NOTCH4: variants seen among roughly 807,000 people sequenced by gnomAD.
NOTCH4 encodes notch receptor 4.
NOTCH4 carries 138 observed loss-of-function variants against 189.0 expected under a neutral mutation model. The observed-to-expected ratio is 0.73, with a 90% CI of 0.64 to 0.84. NOTCH4 has a LOEUF of 0.84. NOTCH4 is among the 40% of genes least tolerant of loss of function. NOTCH4 has a pLI of 0.00. For missense variants in NOTCH4, 2,286 were observed against 2,605.4 expected, an observed-to-expected ratio of 0.88 and a Z score of 2.67; for synonymous variants, 942 against 1,032.8, an observed-to-expected ratio of 0.91 and a Z score of 1.69.
In NOTCH4 at chr6:32,196,318, T is replaced by C; in HGVS notation, c.5298+6A>G. Reference sequence around the variant, plus strand: ...GTTTTGTGGGAAGCCCTCTGTCCCATCTAACCCTGTTGTCCTGGGCATCTT... The same window carrying C: ...GTTTTGTGGGAAGCCCTCTGTCCCACCTAACCCTGTTGTCCTGGGCATCTT... On this transcript the variant is annotated splice_donor_region_variant and intron_variant, in intron 29 of 29. Coordinates refer to ENST00000375023, the MANE Select transcript of NOTCH4 (RefSeq NM_004557.4). 2 of 1,613,140 alleles carry C rather than the reference T, an allele frequency of 1.2e-6. No individual in the cohort carries two copies. Among genetic ancestry groups the C allele is most frequent in the Non-Finnish European group, 1.7e-6 (2 of 1,180,044 alleles).
chr6:32,213,907 C>T (rs1789200350), intron 13 of NOTCH4, 67 bp from the exon 14 acceptor site: 2 of 1,565,194 alleles, frequency 1.3e-6, no homozygotes, highest in East Asian at 2.3e-5. Context: ...CCTTCTCTTT[C>T]CTCTTCCTTC....
Position 32,214,209 on chromosome 6 carries a change from C to T in NOTCH4, c.2068G>A (p.Ala690Thr). 1 of 1,613,606 alleles carries T rather than the reference C, an allele frequency of 6.2e-7. No homozygotes were observed. Among genetic ancestry groups the T allele is most frequent in the Non-Finnish European group, 8.5e-7 (1 of 1,179,816 alleles). Residue 690 changes from alanine to threonine, a missense_variant, in exon 13 of 30, where the codon GCA becomes ACA. Around this residue, in one of 2 missense-constraint regions of NOTCH4, gnomAD observed 1,903 missense variants for 2,261.9 expected, o/e 0.84. Coordinates refer to ENST00000375023, the MANE Select transcript of NOTCH4 (RefSeq NM_004557.4). ...DVGWTGPECEAELGGCISAPC... is the reference protein window; with the variant it reads ...DVGWTGPECETELGGCISAPC... ...GCAGAGATGCAGCCCCCTAGCTCTG[C>T]CTCACACTCTGGCCCCGTCCAACCC...
rs562471310 is a variant in NOTCH4, at chr6:32,215,380, G to C, written c.1867C>G (p.Leu623Val). The stretch of plus-strand genomic sequence containing the variant: ...GGAGCACACAGGGGAACCTCACAGA[G>C]CTGGCCTGGGGTGGGAAGATGGGTC... ...CLCPSGFTGQ[L>V]CEVPLCAPNL... Residue 623 changes from leucine to valine, a missense_variant, in exon 12 of 30, where the codon CTC becomes GTC. Coordinates refer to ENST00000375023, the MANE Select transcript of NOTCH4 (RefSeq NM_004557.4). The C allele has an allele frequency of 3.6e-5, 58 of 1,608,630 alleles. No individual in the cohort carries two copies. In the Admixed American group the frequency reaches 6.1e-4, roughly 17 times the overall value.
In NOTCH4 at chr6:32,202,533, C is replaced by T; in HGVS notation, c.3298G>A (p.Gly1100Ser). The change falls in exon 21 of 30, where the codon GGC becomes AGC. Residue 1100 changes from glycine to serine, a missense_variant. Gly to Ser is a moderately conservative substitution (Grantham distance 56). This residue lies in a region of NOTCH4 where 1,903 missense variants were observed against 2,261.9 expected (regional missense o/e 0.84). Coordinates refer to ENST00000375023, the MANE Select transcript of NOTCH4 (RefSeq NM_004557.4). The surrounding 1 kb of genome is among the most constrained non-coding windows in gnomAD (Gnocchi z 5.7). Reference sequence around the variant, plus strand: ...GGCTTAGGGGAGGGCAGACACAGGCCTCCGTGGTGGCAGTGATGGAAGCCG... The same window carrying T: ...GGCTTAGGGGAGGGCAGACACAGGCTTCCGTGGTGGCAGTGATGGAAGCCG... ...SCGFHHCHHG[G>S]LCLPSPKPGF... is the part of the protein sequence containing the mutation. 6.2e-7 allele frequency: 1 copy of T among 1,609,418 alleles called. No individual in the cohort carries two copies.
rs1788424243 is a variant in NOTCH4 at position 32,202,592 on chromosome 6, T to G, written c.3239A>C (p.Glu1080Ala). ...GGCCCTGTGGCTGCAGGTGGGGCCT[T>G]CAAAACCCTGTGGAGGGGAGGGGAG... ...GFICHCPKGF[E>A]GPTCSHRAPS... Residue 1080 changes from glutamate (E) to alanine (A), a missense_variant, in exon 21 of 30, where the codon GAA becomes GCA. Coordinates refer to ENST00000375023, the MANE Select transcript of NOTCH4 (RefSeq NM_004557.4). This position sits in a 1 kb window ranked among gnomAD's most constrained non-coding sequence, Gnocchi z 5.7. 6.3e-7 allele frequency: 1 copy of G among 1,586,428 alleles called. No homozygotes were observed. The highest frequency in any genetic ancestry group is 8.6e-7 in the Non-Finnish European group (1 of 1,162,216).
At chr6:32,219,428 G>T (rs1039035479) in intron 8 of NOTCH4, among the ~76,000 whole-genome samples, 164 bp downstream of exon 8, 1 of 152,166 alleles carries the variant, frequency 6.6e-6, no homozygotes, top group Non-Finnish European at 1.5e-5. Flanking sequence ...CCTCTCCTAG[G>T]GGTCTTGGGT....
intron 12 of NOTCH4, among the ~76,000 whole-genome samples, chr6:32,215,019 T>C (rs1789311044): frequency 6.6e-6 from 1 of 152,206 alleles, no homozygotes; most frequent in African/African-American, 2.4e-5. Flanking sequence ...GGTCCTCTGT[T>C]TCCACCAGTT....
At chr6:32,218,140 T>C in intron 8 of NOTCH4, 32 bp from the exon 9 acceptor site, 1 of 1,401,536 alleles carries the variant, frequency 7.1e-7, no homozygotes, top group Non-Finnish European at 9.9e-7. Context: ...GGGCTGTGGC[T>C]CAGCCAGGTC....
In NOTCH4 at chr6:32,212,836, TC is replaced by T; in HGVS notation, c.2513del (p.Gly838GlufsTer7). On this transcript the variant is annotated frameshift_variant, in exon 16 of 30. Transcript: ENST00000375023. LOFTEE classifies it high-confidence loss of function. The surrounding 1 kb of genome is among the most constrained non-coding windows in gnomAD (Gnocchi z 4.4). ...PRCLCPTGYT[G>X]GSCQTLMDLC... ...CAATGGCCCTCACCTGGCAGCTGCC[TC>T]CGGTGTAGCCAGTGGGGCAGAGGCA... The T allele has an allele frequency of 6.5e-7, 1 of 1,541,224 alleles. No homozygotes were observed. The highest frequency in any genetic ancestry group is 8.8e-7 in the Non-Finnish European group (1 of 1,142,502).
intron 20 of NOTCH4, 192 bp downstream of exon 20, chr6:32,203,578 T>C (rs1039527339): frequency 9.2e-6 from 5 of 545,430 alleles, no homozygotes; most frequent in African/African-American, 7.7e-5. Context: ...AAAATTCCAT[T>C]CATGCTATCA....
chr6:32,220,169 C>T lies in NOTCH4; in HGVS notation c.1275G>A (p.Ser425=), dbSNP rs754335039. ...CCAGGTCCTGGTGGCAGGTGGGCCC[C>T]GAATAGCCAGGCTGACACAGGCAGA... The part of the protein sequence containing the change: ...STLCLCQPGY[S]GPTCHQDLDE... Residue 425 remains serine (S), a synonymous_variant, in exon 7 of 30, where the codon TCG becomes TCA. Transcript: ENST00000375023. 20 of 1,613,748 alleles carry T rather than the reference C, an allele frequency of 1.2e-5. No individual in the cohort carries two copies. The highest frequency in any genetic ancestry group is 1.7e-4 in the Middle Eastern group (1 of 5,960).
rs1485964670 is a variant in NOTCH4, at chr6:32,212,467, T to C, written c.2680+7A>G. The C allele has an allele frequency of 6.2e-7, 1 of 1,600,736 alleles. No individual in the cohort carries two copies. The highest frequency in any genetic ancestry group is 8.5e-7 in the Non-Finnish European group (1 of 1,173,772). On this transcript the variant is annotated splice_region_variant and intron_variant, in intron 17 of 29. Coordinates refer to ENST00000375023, the MANE Select transcript of NOTCH4 (RefSeq NM_004557.4). This position sits in a 1 kb window ranked among gnomAD's most constrained non-coding sequence, Gnocchi z 4.4. The stretch of plus-strand genomic sequence containing the variant: ...TTTGCTCTCCAGTCAGTGCCGGCGT[T>C]GGTTACCTTGGCTCAGTGCAGCCTT...
At position 32,220,870 on chromosome 6, in the gene NOTCH4, C is replaced by T. The variant is rs370466410; in HGVS notation, c.808G>A (p.Gly270Ser). The change falls in exon 5 of 30, where the codon GGC (glycine) becomes AGC (serine). Residue 270 changes from glycine (G) to serine (S), a missense_variant. Physicochemically the swap from Gly to Ser is moderately conservative, Grantham distance 56. This residue lies in a region of NOTCH4 where 1,903 missense variants were observed against 2,261.9 expected (regional missense o/e 0.84). Coordinates refer to ENST00000375023, the MANE Select transcript of NOTCH4 (RefSeq NM_004557.4). ...HLCLCPPGFI[G>S]PDCEVNPDNC... is the part of the protein sequence containing the mutation. The stretch of plus-strand genomic sequence containing the variant: ...TCTGGATTCACCTCACAGTCTGGGC[C>T]TATGAAACCTGACAGGGTCATGGAT... The T allele has an allele frequency of 5.6e-6, 9 of 1,613,392 alleles. No homozygotes were observed. In the African/African-American group the frequency reaches 1.2e-4, roughly 22 times the overall value.
chr6:32,217,636 G>A lies in NOTCH4; in HGVS notation c.1624+359C>T, dbSNP rs762584804. ...TAAGTGTAGTTATTATAATAGCAGG[G>A]GACAGAGGAGTGTCCGGTGAGGCTG... On this transcript the variant is annotated intron_variant, in intron 9 of 29. Transcript: ENST00000375023. This position sits in a 1 kb window ranked among gnomAD's most constrained non-coding sequence, Gnocchi z 4.2. 6.6e-6 allele frequency among the ~76,000 whole-genome samples: 1 copy of A among 152,192 alleles called. No individual in the cohort carries two copies. The highest frequency in any genetic ancestry group is 1.5e-5 in the Non-Finnish European group (1 of 68,038).
At position 32,210,788 on chromosome 6, in the gene NOTCH4, G is replaced by A. The variant is rs1264758853; in HGVS notation, c.2829C>T (p.Ala943=). 14 of 1,612,828 alleles carry A rather than the reference G, an allele frequency of 8.7e-6. No individual in the cohort carries two copies. Among genetic ancestry groups the A allele is most frequent in the Admixed American group, 1.7e-5 (1 of 60,010 alleles). ...ACCCACTGGGCTGGGCCATGCAGGT[G>A]GCCCCGTTCTGGCAAGGCCTGGACT... ...PCESRPCQNG[A]TCMAQPSGYL... Residue 943 remains alanine (A), a synonymous_variant, in exon 18 of 30, where the codon GCC becomes GCT. Transcript: ENST00000375023. The surrounding 1 kb of genome is among the most constrained non-coding windows in gnomAD (Gnocchi z 4.8).
At chr6:32,218,991 C>CAG (rs1341320086) in intron 8 of NOTCH4, among the ~76,000 whole-genome samples, 1 of 152,158 alleles carries the variant, frequency 6.6e-6, no homozygotes, top group African/African-American at 2.4e-5. Context: ...GTAAGATGCT[C>CAG]AGACAGTACC....
At position 32,219,718 on chromosome 6, in the gene NOTCH4, G is replaced by A. The variant is rs2127485884; in HGVS notation, c.1384C>T (p.Leu462Phe). The A allele has an allele frequency of 6.2e-7, 1 of 1,613,156 alleles. No homozygotes were observed. Among genetic ancestry groups the A allele is most frequent in the Non-Finnish European group, 8.5e-7 (1 of 1,179,986 alleles). Residue 462 changes from leucine to phenylalanine, a missense_variant, in exon 8 of 30, where the codon CTC becomes TTC. By Grantham distance (22) the Leu-to-Phe change is conservative (BLOSUM62 0). Coordinates refer to ENST00000375023, the MANE Select transcript of NOTCH4 (RefSeq NM_004557.4). ...GAGCCTGTGTAGCCAGGTGGACAGA[G>A]GCAGTTGAAGGAGCCAGGAGTGTTG... ...CLNTPGSFNC[L>F]CPPGYTGSRC...
chr6:32,223,702 C>T (rs1489109443), intron 1 of NOTCH4, among the ~76,000 whole-genome samples, 154 bp downstream of exon 1: 4 of 152,058 alleles, frequency 2.6e-5, no homozygotes, highest in South Asian at 2.1e-4. Context: ...TGGGCAGAGC[C>T]GTCTTTCCCT....
intron 28 of NOTCH4, among the ~76,000 whole-genome samples, 167 bp downstream of exon 28, chr6:32,196,758 T>TG (rs1021093938): frequency 2.3e-4 from 34 of 145,708 alleles, no homozygotes; most frequent in African/African-American, 7.2e-4. Context: ...GGGTGGGAGT[T>TG]GGGGGGGGAA....
Sources: gnomAD v4.1 joint callset for allele counts (sites outside exome capture counted in the v4.1 genomes callset) on GRCh38, gnomAD v4.1.1 for gene constraint, gnomAD v4.1.1 regional missense constraint, Gnocchi (gnomAD v3.1) non-coding constraint, MANE v1.5 for transcripts, NCBI Gene and HGNC (gene_info 2026-07-23, HGNC 2026-07-21) for gene names.